Variants in RGS22 observed in about 807,000 individuals in gnomAD.
RGS22 encodes regulator of G protein signaling 22.
Under a neutral mutation model 172.9 loss-of-function variants are expected in RGS22, and 148 were observed. That is an observed-to-expected ratio of 0.86 (90% CI 0.75 to 0.98). The LOEUF (loss-of-function observed/expected upper bound fraction) is 0.98. Ranked by LOEUF, RGS22 falls within the 50% of genes least tolerant of loss-of-function variation. The probability of loss-of-function intolerance (pLI) is 0.00; values close to 1 mark genes in which losing one functional copy is unlikely to be tolerated. For synonymous variants in RGS22, 458 were observed against 480.2 expected, an observed-to-expected ratio of 0.95 and a Z score of 0.60; for missense variants, 1,347 against 1,440.8, an observed-to-expected ratio of 0.93 and a Z score of 1.05.
chr8:100,002,123 T>A (rs1249340477), intron 18 of RGS22, 79 bp downstream of exon 18: 1 of 1,132,308 alleles, frequency 8.8e-7, no homozygotes. Context: ...AATAAGAGAC[T>A]TTCAGGTTGT....
chr8:100,077,131 C>T (rs187610428), intron 4 of RGS22, among the ~76,000 whole-genome samples: 94 of 152,080 alleles, frequency 6.2e-4, no homozygotes, highest in African/African-American at 2.2e-3. Context: ...TGATATTGGG[C>T]ATGTATATCT....
chr8:100,046,079 AT>A (rs1252919127), intron 11 of RGS22, among the ~76,000 whole-genome samples: 2 of 152,212 alleles, frequency 1.3e-5, no homozygotes, highest in Non-Finnish European at 2.9e-5. Context: ...TATGGAAAAA[AT>A]CTAAGATATT....
At chr8:99,997,800 A>C (rs145022529) in intron 19 of RGS22, among the ~76,000 whole-genome samples, 162 of 152,374 alleles carry the variant, frequency 1.1e-3, no homozygotes, top group African/African-American at 3.8e-3. Flanking sequence ...AACAAGGCAA[A>C]GCAAAGACAA....
chr8:100,087,953 C>G (rs1488568897), intron 3 of RGS22, among the ~76,000 whole-genome samples: 1 of 152,070 alleles, frequency 6.6e-6, no homozygotes, highest in African/African-American at 2.4e-5. Context: ...CTTATCAAAA[C>G]ACCCAGAGGT....
intron 9 of RGS22, among the ~76,000 whole-genome samples, chr8:100,057,709 T>C (rs1388376881): frequency 2.0e-5 from 3 of 152,208 alleles, no homozygotes; most frequent in African/African-American, 7.2e-5. Flanking sequence ...CACATGGATC[T>C]GTGAGTCCAA....
intron 4 of RGS22, among the ~76,000 whole-genome samples, 189 bp from the exon 5 acceptor site, chr8:100,072,419 G>A (rs554706174): frequency 4.0e-5 from 6 of 151,556 alleles, no homozygotes; most frequent in East Asian, 1.9e-4. Flanking sequence ...CCCCTGGTAC[G>A]TTTTTAATTC....
chr8:100,052,716 A>C (rs1460718702), intron 10 of RGS22, 86 bp downstream of exon 10: 1 of 1,206,674 alleles, frequency 8.3e-7, no homozygotes, highest in Non-Finnish European at 1.2e-6. Context: ...CAAAGCTTGT[A>C]ATGAAAATTA....
intron 7 of RGS22, among the ~76,000 whole-genome samples, chr8:100,064,622 C>A (rs1249674912): frequency 6.6e-6 from 1 of 152,166 alleles, no homozygotes; most frequent in Non-Finnish European, 1.5e-5. Flanking sequence ...ACATCCCTAA[C>A]ACACAGAAGA....
intron 2 of RGS22, among the ~76,000 whole-genome samples, chr8:100,098,862 A>T (rs200024811): frequency 1.8e-5 from 1 of 54,836 alleles, no homozygotes; most frequent in Non-Finnish European, 3.1e-5. Flanking sequence ...TTATTATTTT[A>T]TTTATTTTAT....
At chr8:100,100,175 C>T (rs1053873879) in intron 2 of RGS22, among the ~76,000 whole-genome samples, 22 of 152,174 alleles carry the variant, frequency 1.4e-4, no homozygotes, top group African/African-American at 5.3e-4. Context: ...ATATAACCTA[C>T]ACCCAACCTC....
At chr8:100,064,687 A>G (rs1473525788) in intron 7 of RGS22, among the ~76,000 whole-genome samples, 1 of 152,180 alleles carries the variant, frequency 6.6e-6, no homozygotes, top group Non-Finnish European at 1.5e-5. Context: ...CTAATATATA[A>G]TATCAATATA....
At chr8:100,084,844 A>G (rs1340138601) in intron 3 of RGS22, among the ~76,000 whole-genome samples, 1 of 152,260 alleles carries the variant, frequency 6.6e-6, no homozygotes, top group African/African-American at 2.4e-5. Context: ...GAACAAGTAC[A>G]TGATCTTTCA....
chr8:100,041,125 A>T (rs990342211), intron 12 of RGS22, among the ~76,000 whole-genome samples: 3 of 152,200 alleles, frequency 2.0e-5, no homozygotes, highest in East Asian at 1.9e-4. Context: ...TGAAGTTTTC[A>T]TTTAGAACTA....
chr8:99,982,756 C>T (rs1362474772), intron 21 of RGS22, among the ~76,000 whole-genome samples: 4 of 152,092 alleles, frequency 2.6e-5, no homozygotes, highest in African/African-American at 9.7e-5. Context: ...ATTGTATTAT[C>T]CTCTTTATAG....
intron 9 of RGS22, among the ~76,000 whole-genome samples, chr8:100,056,907 G>A (rs1202468743): frequency 1.3e-5 from 2 of 152,208 alleles, no homozygotes; most frequent in African/African-American, 4.8e-5. Flanking sequence ...CCATCCTCCA[G>A]ACCCCGGAAT....
At chr8:100,082,104 T>C (rs1030533595) in intron 3 of RGS22, among the ~76,000 whole-genome samples, 11 of 152,272 alleles carry the variant, frequency 7.2e-5, no homozygotes, top group Admixed American at 3.3e-4. Flanking sequence ...TAGTAATCAA[T>C]CTTACTTAGT....
At chr8:100,082,521 G>T (rs1811841454) in intron 3 of RGS22, among the ~76,000 whole-genome samples, 1 of 152,164 alleles carries the variant, frequency 6.6e-6, no homozygotes, top group African/African-American at 2.4e-5. Context: ...TTGGGTTAAA[G>T]GTCGTGATGG....
At chr8:100,031,908 A>G (rs2068820718) in intron 14 of RGS22, among the ~76,000 whole-genome samples, 1 of 152,184 alleles carries the variant, frequency 6.6e-6, no homozygotes, top group Non-Finnish European at 1.5e-5. Context: ...TTTCATATCC[A>G]GCCAAACTAA....
At chr8:100,098,766 TCAA>T (rs1452261770) in intron 2 of RGS22, among the ~76,000 whole-genome samples, 2 of 151,924 alleles carry the variant, frequency 1.3e-5, no homozygotes, top group African/African-American at 2.4e-5. Flanking sequence ...TCTCTCTCTC[TCAA>T]CAAGTACCCA....
Sources: allele counts gnomAD v4.1 joint callset (sites outside exome capture counted in the v4.1 genomes callset), GRCh38; gene constraint gnomAD v4.1.1; transcripts MANE v1.5; gene names NCBI Gene and HGNC (gene_info 2026-07-23, HGNC 2026-07-21).